Variants in GDPD5 observed in about 807,000 individuals in gnomAD.
GDPD5 encodes glycerophosphodiester phosphodiesterase domain containing 5, also known as glycerophosphodiester phosphodiesterase 2.
GDPD5 carries 48 observed loss-of-function variants against 75.1 expected under a neutral mutation model. That is an observed-to-expected ratio of 0.64 (90% CI 0.51 to 0.81). The LOEUF is 0.81. Ranked by LOEUF, GDPD5 falls within the 40% of genes least tolerant of loss-of-function variation. GDPD5 has a pLI of 0.00. For missense variants in GDPD5, 706 were observed against 822.6 expected, an observed-to-expected ratio of 0.86 and a Z score of 1.73; for synonymous variants, 336 against 339.0, an observed-to-expected ratio of 0.99 and a Z score of 0.10.
At chr11:75,488,523 C>T (rs1377404916) in intron 2 of GDPD5, among the ~76,000 whole-genome samples, 1 of 152,088 alleles carries the variant, frequency 6.6e-6, no homozygotes, top group Non-Finnish European at 1.5e-5. Context: ...AATCTTGTCT[C>T]TGTCCTCTCC....
chr11:75,513,188 C>G (rs958776425), intron 1 of GDPD5, among the ~76,000 whole-genome samples: 23 of 152,320 alleles, frequency 1.5e-4, no homozygotes, highest in African/African-American at 5.5e-4. Context: ...TGACCTCAGA[C>G]AAGTCACCTT....
At chr11:75,479,821 G>A (rs539746238) in intron 2 of GDPD5, among the ~76,000 whole-genome samples, 45 of 152,248 alleles carry the variant, frequency 3.0e-4, no homozygotes, top group African/African-American at 1.0e-3. Flanking sequence ...GACCTTTTGT[G>A]TCTTGCTTCT....
At position 75,473,822 on chromosome 11, in the gene GDPD5, A is replaced by G. The variant is rs529406820; in HGVS notation, c.117+3797T>C. On this transcript the variant is annotated intron_variant, in intron 3 of 16. Coordinates refer to ENST00000336898, the MANE Select transcript of GDPD5 (RefSeq NM_030792.8). ...CCTGGTCTGTGGAGATGGGGCCGATACTCCCAGAGGCCAGCTCGGGCAAGC... is the reference window on the plus strand; with the variant it reads ...CCTGGTCTGTGGAGATGGGGCCGATGCTCCCAGAGGCCAGCTCGGGCAAGC... Among the ~76,000 whole-genome samples, 4 of 152,050 alleles carry G rather than the reference A, an allele frequency of 2.6e-5. No individual in the cohort carries two copies. The East Asian group carries it at 7.8e-4, about 29-fold the overall frequency.
chr11:75,443,413 G>C (rs555861500), intron 10 of GDPD5, 127 bp from the exon 11 acceptor site: 1 of 1,104,664 alleles, frequency 9.1e-7, no homozygotes, highest in Non-Finnish European at 1.3e-6. Flanking sequence ...CCCTCTCTGG[G>C]CCTCAGTCTC....
chr11:75,497,317 G>A (rs1222813426), intron 1 of GDPD5, among the ~76,000 whole-genome samples: 5 of 152,286 alleles, frequency 3.3e-5, no homozygotes, highest in East Asian at 1.9e-4. Context: ...GGCAGGACGC[G>A]TAAGGGGTGG....
intron 7 of GDPD5, 74 bp from the exon 8 acceptor site, chr11:75,449,684 T>C: frequency 6.8e-7 from 1 of 1,462,796 alleles, no homozygotes; most frequent in Non-Finnish European, 9.4e-7. Flanking sequence ...AGCCTCCTAC[T>C]TCTACCTATG....
At chr11:75,512,232 A>T (rs577849593) in intron 1 of GDPD5, among the ~76,000 whole-genome samples, 1 of 147,572 alleles carries the variant, frequency 6.8e-6, no homozygotes, top group African/African-American at 2.5e-5. Flanking sequence ...AGTAAGGTCA[A>T]TTGTTCCATT....
intron 1 of GDPD5, among the ~76,000 whole-genome samples, chr11:75,494,601 T>G (rs1046239730): frequency 6.6e-6 from 1 of 152,224 alleles, no homozygotes; most frequent in Non-Finnish European, 1.5e-5. Flanking sequence ...TCACTTGTGT[T>G]CTGTTGATGG....
At chr11:75,484,661 G>A (rs1360602216) in intron 2 of GDPD5, among the ~76,000 whole-genome samples, 1 of 152,220 alleles carries the variant, frequency 6.6e-6, no homozygotes, top group East Asian at 1.9e-4. Flanking sequence ...GAGGCAGGAG[G>A]ATCACTTGAG....
intron 4 of GDPD5, among the ~76,000 whole-genome samples, chr11:75,462,125 TG>T (rs1949426881): frequency 6.6e-6 from 1 of 152,128 alleles, no homozygotes; most frequent in South Asian, 2.1e-4. Context: ...CTATCTCCTC[TG>T]CAGAGACCTT....
intron 6 of GDPD5, chr11:75,455,452 A>G (rs1949265396): frequency 2.2e-6 from 1 of 448,640 alleles, no homozygotes; most frequent in Non-Finnish European, 4.5e-6. Context: ...CTGACTCCCA[A>G]GCTCCAGGCC....
Position 75,456,716 on chromosome 11 carries a change from T to C in GDPD5, c.375+41A>G, listed in dbSNP as rs533472266. The C allele has an allele frequency of 3.1e-6, 5 of 1,604,872 alleles. 1 individual carries two copies. In the South Asian group the frequency reaches 5.5e-5, roughly 18 times the overall value. On this transcript the variant is annotated intron_variant, in intron 6 of 16. Transcript: ENST00000336898. ...TTCCTCTGCTGCTGCTGCCTCCAGC[T>C]TCCCTTGCTCTCTCCCAGCCCCGGC... is the stretch of plus-strand genomic sequence containing the variant.
chr11:75,458,544 C>T lies in GDPD5; in HGVS notation c.222-758G>A, dbSNP rs541375278. Among the ~76,000 whole-genome samples the T allele has an allele frequency of 7.2e-5, 11 of 151,988 alleles. No homozygotes were observed. The East Asian group carries it at 1.4e-3, about 19-fold the overall frequency. ...AAAATTAGCCGGGCGTTGTGGCAGG[C>T]GTCTGTAGTCCCAGCTACTCGGGAG... On this transcript the variant is annotated intron_variant, in intron 4 of 16. Coordinates refer to ENST00000336898, the MANE Select transcript of GDPD5 (RefSeq NM_030792.8).
chr11:75,485,609 TGGA>T (rs1950007247), intron 2 of GDPD5: 1 of 151,214 alleles, frequency 6.6e-6, no homozygotes, highest in African/African-American at 2.4e-5. Flanking sequence ...CAGCTAATCA[TGGA>T]GGAGGGAGGA....
At position 75,449,931 on chromosome 11, in the gene GDPD5, G is replaced by A. The variant is rs1339896120; in HGVS notation, c.428C>T (p.Ala143Val). 1 of 1,613,756 alleles carries A rather than the reference G, an allele frequency of 6.2e-7. No homozygotes were observed. The highest frequency in any genetic ancestry group is 1.1e-5 in the South Asian group (1 of 91,078). Residue 143 changes from alanine to valine, a missense_variant, in exon 7 of 17, where the codon GCC becomes GTC. Coordinates refer to ENST00000336898, the MANE Select transcript of GDPD5 (RefSeq NM_030792.8). Reference sequence around the variant, plus strand: ...CTCCCACTCGTCCTCCCACAGCTGGGCCACGGCCGACATGGCCACCACCGT... The same window carrying A: ...CTCCCACTCGTCCTCCCACAGCTGGACCACGGCCGACATGGCCACCACCGT... ...ASTVVAMSAV[A>V]QLWEDEWEVL...
intron 15 of GDPD5, among the ~76,000 whole-genome samples, chr11:75,439,104 C>T (rs1342077399): frequency 6.6e-6 from 1 of 152,164 alleles, no homozygotes; most frequent in Non-Finnish European, 1.5e-5. Context: ...AAACGCTGGT[C>T]CCCACCTGCA....
chr11:75,436,479 C>G lies in GDPD5; in HGVS notation c.1669+457G>C, dbSNP rs538413228. On this transcript the variant is annotated intron_variant, in intron 16 of 16. Coordinates refer to ENST00000336898, the MANE Select transcript of GDPD5 (RefSeq NM_030792.8). ...GCTCTGACCACGTCCTCCCGCCCCC[C>G]GCCCGGCACTCCCATCGCAGGAACT... Among the ~76,000 whole-genome samples the G allele has an allele frequency of 3.9e-3, 544 of 139,428 alleles. 5 individuals are homozygous for G. Among genetic ancestry groups the G allele is most frequent in the African/African-American group, 0.014 (527 of 39,000 alleles). The allele number at this position is 139,428 out of a possible 152,430, so 91.5% of individuals were successfully genotyped here. A position where few individuals can be genotyped will look rare whatever the true frequency, so the allele number is the denominator to read the frequency against.
chr11:75,512,918 C>T (rs948871806), intron 1 of GDPD5, among the ~76,000 whole-genome samples: 10 of 152,162 alleles, frequency 6.6e-5, no homozygotes, highest in African/African-American at 2.4e-4. Flanking sequence ...GTCTTTAGGG[C>T]AAGACACAGG....
chr11:75,443,970 T>G (rs1948908830), intron 10 of GDPD5, among the ~76,000 whole-genome samples: 1 of 152,244 alleles, frequency 6.6e-6, no homozygotes, highest in Admixed American at 6.5e-5. Flanking sequence ...TCTGCCCTTC[T>G]TCCCTTCTCA....
Sources: gnomAD v4.1 joint callset for allele counts (sites outside exome capture counted in the v4.1 genomes callset) on GRCh38, gnomAD v4.1.1 for gene constraint, MANE v1.5 for transcripts, NCBI Gene and HGNC (gene_info 2026-07-23, HGNC 2026-07-21) for gene names.